Variants in CDHR3 observed in about 807,000 individuals in gnomAD.
The protein encoded by CDHR3 is cadherin related family member 3, also known as cadherin-related family member 3.
A neutral mutation model predicts 86.6 loss-of-function variants in CDHR3; 79 were observed. That is an observed-to-expected ratio of 0.91 (90% CI 0.76 to 1.10). The LOEUF is 1.10. Among genes scored for constraint, CDHR3 ranks in the 50% least tolerant of loss-of-function variants. The pLI is 0.00. For synonymous variants in CDHR3, 421 were observed against 402.4 expected (o/e 1.05, Z -0.55); for missense variants, 1,081 against 1,077.6 (o/e 1.00, Z -0.04).
At chr7:105,972,917 A>G (rs950387697) in intron 1 of CDHR3, among the ~76,000 whole-genome samples, 2 of 152,220 alleles carry the variant, frequency 1.3e-5, no homozygotes, top group Non-Finnish European at 2.9e-5. Flanking sequence ...AAAAGCTTGT[A>G]TCAGTGAATG....
At chr7:105,993,854 G>A (rs1421703602) in intron 4 of CDHR3, among the ~76,000 whole-genome samples, 2 of 152,100 alleles carry the variant, frequency 1.3e-5, no homozygotes, top group Admixed American at 1.3e-4. Flanking sequence ...CACCCTCAGC[G>A]GGCTGTACAC....
chr7:106,001,333 C>T, intron 6 of CDHR3, 129 bp from the exon 7 acceptor site: 2 of 928,698 alleles, frequency 2.2e-6, no homozygotes, highest in Non-Finnish European at 3.3e-6. Context: ...CTGTGCTCTC[C>T]CTCTGAGCAT....
intron 14 of CDHR3, among the ~76,000 whole-genome samples, 171 bp downstream of exon 14, chr7:106,022,619 A>G (rs1836749991): frequency 1.3e-5 from 2 of 152,154 alleles, no homozygotes; most frequent in African/African-American, 4.8e-5. Flanking sequence ...GGTGGCAAAA[A>G]TCTGGTGAGA....
At position 105,981,048 on chromosome 7, in the gene CDHR3, G is replaced by A; in HGVS notation, c.330G>A (p.Glu110=). The A allele has an allele frequency of 1.2e-6, 2 of 1,613,098 alleles. No individual in the cohort carries two copies. Among genetic ancestry groups the A allele is most frequent in the East Asian group, 2.2e-5 (1 of 44,872 alleles). The stretch of plus-strand genomic sequence containing the variant: ...ATTTGCAGATTTATGTGAAGGATGA[G>A]GTTGGTGTCACAGACCTGCAAGTCC... ...IFDLQIYVKD[E]VGVTDLQVLT... Residue 110 remains glutamate (E), a synonymous_variant, in exon 3 of 19, where the codon GAG becomes GAA. Coordinates refer to ENST00000317716, the MANE Select transcript of CDHR3 (RefSeq NM_152750.5).
chr7:106,017,564 G>GACAGACAC (rs1835835128), intron 11 of CDHR3, among the ~76,000 whole-genome samples: 1 of 130,548 alleles, frequency 7.7e-6, no homozygotes, highest in African/African-American at 2.9e-5. Context: ...GTCACACACA[G>GACAGACAC]ACACACACAC....
intron 11 of CDHR3, among the ~76,000 whole-genome samples, chr7:106,017,420 G>A (rs1241436046): frequency 6.6e-6 from 1 of 152,064 alleles, no homozygotes; most frequent in African/African-American, 2.4e-5. Context: ...TTAGCCAGGT[G>A]TGGTCGTGGG....
intron 8 of CDHR3, among the ~76,000 whole-genome samples, chr7:106,011,869 C>T (rs968318958): frequency 2.0e-5 from 3 of 152,088 alleles, no homozygotes; most frequent in Middle Eastern, 3.2e-3. Context: ...CTACTGAGAT[C>T]AAGACCCCCG....
rs1315683207 is a variant in CDHR3, at chr7:106,026,628, G to C, written c.2259-54G>C. 4 of 1,594,316 alleles carry C rather than the reference G, an allele frequency of 2.5e-6. No individual in the cohort carries two copies. In the East Asian group the frequency reaches 8.9e-5, roughly 36 times the overall value. On this transcript the variant is annotated intron_variant, in intron 15 of 18. Coordinates refer to ENST00000317716, the MANE Select transcript of CDHR3 (RefSeq NM_152750.5). ...AAGAACCCCATGGTGTCATGTGTGT[G>C]CCAGTGCAGCATACTTTCAAGTGAA...
Position 106,001,510 on chromosome 7 carries a change from C to A in CDHR3, c.762C>A (p.Ile254=), listed in dbSNP as rs777325254. ...TVLEELSPGT[I]VANITAEDPD... is the part of the protein sequence containing the mutation. ...TGGAGGAACTGAGTCCAGGAACCAT[C>A]GTGGCCAATATCACAGCGGAGGATC... Residue 254 remains isoleucine, a synonymous_variant, in exon 7 of 19, where the codon ATC becomes ATA. Coordinates refer to ENST00000317716, the MANE Select transcript of CDHR3 (RefSeq NM_152750.5). The A allele has an allele frequency of 6.2e-7, 1 of 1,613,992 alleles. No homozygotes were observed. The highest frequency in any genetic ancestry group is 8.5e-7 in the Non-Finnish European group (1 of 1,179,880).
chr7:105,978,074 G>T (rs1585534757), intron 2 of CDHR3, among the ~76,000 whole-genome samples: 1 of 152,182 alleles, frequency 6.6e-6, no homozygotes, highest in South Asian at 2.1e-4. Flanking sequence ...GAGAGGTTGA[G>T]CAACTTGCCC....
At chr7:105,982,220 G>A (rs1366477677) in intron 3 of CDHR3, among the ~76,000 whole-genome samples, 1 of 152,166 alleles carries the variant, frequency 6.6e-6, no homozygotes, top group African/African-American at 2.4e-5. Context: ...TGTAATCTCA[G>A]CACTTTGGGA....
rs557107580 is a variant in CDHR3, at chr7:105,963,369, G to GA, written c.46+7dup. 3.4e-4 allele frequency: 545 copies of GA among 1,613,918 alleles called. 1 individual carries two copies. The African/African-American group carries it at 6.4e-3, about 19-fold the overall frequency. On this transcript the variant is annotated splice_donor_region_variant and intron_variant, in intron 1 of 18. Coordinates refer to ENST00000317716, the MANE Select transcript of CDHR3 (RefSeq NM_152750.5). Reference sequence around the variant, plus strand: ...CTCTCCTGGGTGCCATGTCAGGTAGGAACTCAATTTTGCTTTGGAACCTTG... The same window carrying GA: ...CTCTCCTGGGTGCCATGTCAGGTAGGAAACTCAATTTTGCTTTGGAACCTTG...
At chr7:105,997,129 C>T (rs10241452) in intron 6 of CDHR3, among the ~76,000 whole-genome samples, 64,812 of 151,952 alleles carry the variant, frequency 0.43, 14,027 homozygotes, top group African/African-American at 0.49. Context: ...ACAGCATGAA[C>T]GGTTATGAAT....
chr7:105,995,844 T>C (rs968886077), intron 5 of CDHR3, among the ~76,000 whole-genome samples: 2 of 152,162 alleles, frequency 1.3e-5, no homozygotes, highest in East Asian at 1.9e-4. Flanking sequence ...ACATTGGCCT[T>C]GGGGTGAAGC....
chr7:105,992,431 A>G (rs1340157660), intron 4 of CDHR3, among the ~76,000 whole-genome samples: 2 of 152,222 alleles, frequency 1.3e-5, no homozygotes, highest in Non-Finnish European at 2.9e-5. Flanking sequence ...AGGCCTAGGC[A>G]ATTGCTGTCA....
intron 16 of CDHR3, 51 bp downstream of exon 16, chr7:106,026,746 G>A: frequency 6.2e-7 from 1 of 1,601,722 alleles, no homozygotes; most frequent in Non-Finnish European, 8.6e-7. Context: ...TTGCTCTGTT[G>A]TGCTACGTAA....
intron 16 of CDHR3, 140 bp from the exon 17 acceptor site, chr7:106,028,411 C>A: frequency 1.1e-6 from 1 of 910,898 alleles, no homozygotes; most frequent in Non-Finnish European, 1.8e-6. Context: ...AGAAACATAT[C>A]TATAGACAGA....
At chr7:106,027,821 C>A in intron 16 of CDHR3, 1 of 333,372 alleles carries the variant, frequency 3.0e-6, no homozygotes, top group Non-Finnish European at 6.0e-6. Context: ...TCTCTAATCC[C>A]ACTTTTTAAA....
rs1266964180 is a variant in CDHR3, at chr7:106,032,626, C to G, written c.2587C>G (p.Leu863Val). Residue 863 changes from leucine to valine, a missense_variant, in exon 19 of 19, where the codon CTG becomes GTG. By Grantham distance (32) the Leu-to-Val change is conservative (BLOSUM62 1). Coordinates refer to ENST00000317716, the MANE Select transcript of CDHR3 (RefSeq NM_152750.5). ...GLGSRNEGGK[L>V]GNPKNRNPAF... ...GGGTTCCAGAAATGAGGGTGGCAAGCTGGGCAACCCAAAGAACAGAAATCC... is the reference window on the plus strand; with the variant it reads ...GGGTTCCAGAAATGAGGGTGGCAAGGTGGGCAACCCAAAGAACAGAAATCC... 12 of 1,613,834 alleles carry G rather than the reference C, an allele frequency of 7.4e-6. No individual in the cohort carries two copies. The highest frequency in any genetic ancestry group is 9.3e-6 in the Non-Finnish European group (11 of 1,179,846).
Sources: gnomAD v4.1 joint callset for allele counts (sites outside exome capture counted in the v4.1 genomes callset) on GRCh38, gnomAD v4.1.1 for gene constraint, MANE v1.5 for transcripts, NCBI Gene and HGNC (gene_info 2026-07-23, HGNC 2026-07-21) for gene names.